FAM83F: variants seen among roughly 807,000 people sequenced by gnomAD.
The protein encoded by FAM83F is protein FAM83F.
Under a neutral mutation model 42.9 loss-of-function variants are expected in FAM83F, and 45 were observed. That is an observed-to-expected ratio of 1.05 (90% CI 0.83 to 1.35). The LOEUF (loss-of-function observed/expected upper bound fraction) is 1.35, where lower values mean the gene tolerates loss of function less well. Ranked by LOEUF, FAM83F falls within the 40% of genes most tolerant of loss-of-function variation. FAM83F has a pLI of 0.00. For synonymous variants in FAM83F, 306 were observed against 298.3 expected (o/e 1.03, Z -0.27); for missense variants, 617 against 695.9 (o/e 0.89, Z 1.28).
chr22:40,010,563 A>C (rs1213947588), intron 1 of FAM83F, among the ~76,000 whole-genome samples: 1 of 152,200 alleles, frequency 6.6e-6, no homozygotes, highest in Non-Finnish European at 1.5e-5. Flanking sequence ...CTCTCCTGAC[A>C]TCCTTAGGCA....
rs758036575 is a variant in FAM83F, at chr22:39,995,017, A to AGGGCCGGGGCCG, written c.-15_-4dup. The AGGGCCGGGGCCG allele has an allele frequency of 1.0e-3, 1,250 of 1,249,140 alleles. 8 individuals carry two copies. The African/African-American group carries it at 0.016, about 16-fold the overall frequency. The allele number at this position is 1,249,140 out of a possible 1,614,324, so 77.4% of individuals were successfully genotyped here. ...CTCGGACCGCGGCGGGGCCGGGGCC[A>AGGGCCGGGGCCG]GGGCCGGGGCCGGGGCCGGGGCGCC... On this transcript the variant is annotated 5_prime_UTR_variant, in exon 1 of 5. Transcript: ENST00000333407. The surrounding 1 kb of genome is among the most constrained non-coding windows in gnomAD (Gnocchi z 4.6).
rs533403612 is a variant in FAM83F, at chr22:40,008,276, G to A, written c.490-10892G>A. Reference sequence around the variant, plus strand: ...GGAGGCGCGGGCTGCCTGGCTCCTCGGGAGCTCAGCGGGCCCCCCATGGGC... The same window carrying A: ...GGAGGCGCGGGCTGCCTGGCTCCTCAGGAGCTCAGCGGGCCCCCCATGGGC... On this transcript the variant is annotated intron_variant, in intron 1 of 4. Coordinates refer to ENST00000333407, the MANE Select transcript of FAM83F (RefSeq NM_138435.4). Among the ~76,000 whole-genome samples, 25 of 152,328 alleles carry A rather than the reference G, an allele frequency of 1.6e-4. 1 individual carries two copies. The Middle Eastern group carries it at 0.02, about 124-fold the overall frequency.
intron 2 of FAM83F, among the ~76,000 whole-genome samples, chr22:40,019,621 T>G (rs2067508894): frequency 6.6e-6 from 1 of 152,178 alleles, no homozygotes; most frequent in Non-Finnish European, 1.5e-5. Flanking sequence ...GATGTCAAAG[T>G]GAGGGCTGTT....
intron 1 of FAM83F, among the ~76,000 whole-genome samples, chr22:40,010,367 G>T (rs971280739): frequency 2.0e-5 from 3 of 152,196 alleles, no homozygotes; most frequent in African/African-American, 7.2e-5. Context: ...TCAAAGCAGG[G>T]CCCTCAGAGA....
In FAM83F at chr22:40,032,395, A is replaced by G. The variant is rs2067593695; in HGVS notation, c.*2830A>G. The G allele has an allele frequency of 6.6e-6, 1 of 152,134 alleles. No homozygotes were observed. The highest frequency in any genetic ancestry group is 2.4e-5 in the African/African-American group (1 of 41,426). The allele number at this position is 152,134 out of a possible 1,614,324, so 9.4% of individuals were successfully genotyped here. ...ATTTGGCAAAACTTCCCATCTCCTT[A>G]GCTACCTGTCCTTAATCTTATCCCT... On this transcript the variant is annotated 3_prime_UTR_variant, in exon 5 of 5. Coordinates refer to ENST00000333407, the MANE Select transcript of FAM83F (RefSeq NM_138435.4).
intron 1 of FAM83F, among the ~76,000 whole-genome samples, chr22:40,010,551 GCCTCT>G (rs1446530747): frequency 1.3e-5 from 2 of 152,204 alleles, no homozygotes; most frequent in Non-Finnish European, 2.9e-5. Context: ...GGGGACTGCT[GCCTCT>G]CCTGACATCC....
Position 40,032,013 on chromosome 22 carries a change from A to G in FAM83F, c.*2448A>G, listed in dbSNP as rs1013922001. The G allele has an allele frequency of 6.6e-6, 1 of 152,294 alleles. No homozygotes were observed. The highest frequency in any genetic ancestry group is 1.5e-5 in the Non-Finnish European group (1 of 68,096). The allele number at this position is 152,294 out of a possible 1,614,324, so 9.4% of individuals were successfully genotyped here. A position where few individuals can be genotyped will look rare whatever the true frequency, so the allele number is the denominator to read the frequency against. The stretch of plus-strand genomic sequence containing the variant: ...CTCTTACTCATCAAATCTCAAGGGT[A>G]CATCTGGCCCTCCCAGTTGGATGGC... On this transcript the variant is annotated 3_prime_UTR_variant, in exon 5 of 5. Coordinates refer to ENST00000333407, the MANE Select transcript of FAM83F (RefSeq NM_138435.4).
rs1416350199 is a variant in FAM83F at position 40,031,566 on chromosome 22, A to C, written c.*2001A>C. Reference sequence around the variant, plus strand: ...GGGAGGATCCCTGATTGGAATCTCCAAGTCACCACAGCCTTGAGCCAGGCC... The same window carrying C: ...GGGAGGATCCCTGATTGGAATCTCCCAGTCACCACAGCCTTGAGCCAGGCC... On this transcript the variant is annotated 3_prime_UTR_variant, in exon 5 of 5. Coordinates refer to ENST00000333407, the MANE Select transcript of FAM83F (RefSeq NM_138435.4). 20 of 152,292 alleles carry C rather than the reference A, an allele frequency of 1.3e-4. 1 individual carries two copies. 9.4% of individuals were successfully genotyped at this position (152,292 alleles called of 1,614,324 possible).
In FAM83F at chr22:40,034,456, C is replaced by G. The variant is rs1337943088; in HGVS notation, c.*4891C>G. The G allele has an allele frequency of 6.6e-6, 1 of 152,274 alleles. No homozygotes were observed. 9.4% of individuals were successfully genotyped at this position (152,274 alleles called of 1,614,324 possible). A position where few individuals can be genotyped will look rare whatever the true frequency, so the allele number is the denominator to read the frequency against. ...AGCCCAGAGACCTTGCACAGTTAGG[C>G]AGGCCTGGACTTCTCGCCCTTCCCC... On this transcript the variant is annotated 3_prime_UTR_variant, in exon 5 of 5. Transcript: ENST00000333407.
chr22:40,031,242 A>T lies in FAM83F; in HGVS notation c.*1677A>T, dbSNP rs2067585162. The T allele has an allele frequency of 6.9e-6, 1 of 144,770 alleles. No individual in the cohort carries two copies. Among genetic ancestry groups the T allele is most frequent in the African/African-American group, 2.5e-5 (1 of 39,554 alleles). The allele number at this position is 144,770 out of a possible 1,614,324, so 9.0% of individuals were successfully genotyped here. A position where few individuals can be genotyped will look rare whatever the true frequency, so the allele number is the denominator to read the frequency against. ...CATGAGCTCATTCTGGAGGGGAGGG[A>T]AGGGAGAGAGGGGGGAGGTGGGATG... On this transcript the variant is annotated 3_prime_UTR_variant, in exon 5 of 5. Coordinates refer to ENST00000333407, the MANE Select transcript of FAM83F (RefSeq NM_138435.4).
intron 1 of FAM83F, among the ~76,000 whole-genome samples, chr22:40,017,355 C>T (rs560278409): frequency 2.6e-5 from 4 of 151,918 alleles, no homozygotes; most frequent in Non-Finnish European, 5.9e-5. Context: ...GCCTCAGCCT[C>T]CCCAGGAGCT....
At position 40,039,578 on chromosome 22, in the gene FAM83F, G is replaced by A. The variant is rs2067642577; in HGVS notation, c.*10013G>A. 1 of 152,236 alleles carries A rather than the reference G, an allele frequency of 6.6e-6. No individual in the cohort carries two copies. The highest frequency in any genetic ancestry group is 2.4e-5 in the African/African-American group (1 of 41,452). The allele number at this position is 152,236 out of a possible 1,614,324, so 9.4% of individuals were successfully genotyped here. On this transcript the variant is annotated 3_prime_UTR_variant, in exon 5 of 5. Transcript: ENST00000333407. ...GCAGAATGAAGGGTGGAGATGGAGAGATAGAATTCTCATCTTAGAGGTGAA... is the reference window on the plus strand; with the variant it reads ...GCAGAATGAAGGGTGGAGATGGAGAAATAGAATTCTCATCTTAGAGGTGAA...
intron 4 of FAM83F, among the ~76,000 whole-genome samples, chr22:40,025,338 G>T (rs1050038957): frequency 8.5e-5 from 13 of 152,202 alleles, no homozygotes; most frequent in African/African-American, 3.1e-4. Flanking sequence ...AGGATCACTT[G>T]AGCCTGGGAA....
In FAM83F at chr22:40,039,602, A is replaced by C. The variant is rs1459337646; in HGVS notation, c.*10037A>C. The C allele has an allele frequency of 2.0e-5, 3 of 152,238 alleles. No individual in the cohort carries two copies. The highest frequency in any genetic ancestry group is 7.2e-5 in the African/African-American group (3 of 41,464). 9.4% of individuals were successfully genotyped at this position (152,238 alleles called of 1,614,324 possible). A position where few individuals can be genotyped will look rare whatever the true frequency, so the allele number is the denominator to read the frequency against. On this transcript the variant is annotated 3_prime_UTR_variant, in exon 5 of 5. Transcript: ENST00000333407. ...AGATAGAATTCTCATCTTAGAGGTG[A>C]AAGTAGGATAATGACCCAGCTGAGC...
In FAM83F at chr22:40,021,792, G is replaced by C. The variant is rs372985910; in HGVS notation, c.1282G>C (p.Ala428Pro). Residue 428 changes from alanine (A) to proline (P), a missense_variant, in exon 4 of 5, where the codon GCC becomes CCC. By Grantham distance (27) the Ala-to-Pro change is conservative. Coordinates refer to ENST00000333407, the MANE Select transcript of FAM83F (RefSeq NM_138435.4). The surrounding 1 kb of genome is among the most constrained non-coding windows in gnomAD (Gnocchi z 8.7). ...APSRNGMGEA[A>P]RGEAAPARRF... ...CAGCCGAAACGGCATGGGAGAAGCG[G>C]CCCGGGGGGAGGCCGCCCCCGCCAG... 11 of 1,612,526 alleles carry C rather than the reference G, an allele frequency of 6.8e-6. No individual in the cohort carries two copies. Among genetic ancestry groups the C allele is most frequent in the African/African-American group, 1.3e-5 (1 of 74,908 alleles).
chr22:40,021,599 C>T lies in FAM83F; in HGVS notation c.1089C>T (p.Ser363=), dbSNP rs145137330. The T allele has an allele frequency of 3.9e-4, 615 of 1,578,600 alleles. 7 individuals are homozygous for T. In the South Asian group the frequency reaches 5.5e-3, roughly 14 times the overall value. The change falls in exon 4 of 5, where the codon AGC becomes AGT. Residue 363 remains serine (S), a synonymous_variant. Transcript: ENST00000333407. This position sits in a 1 kb window ranked among gnomAD's most constrained non-coding sequence, Gnocchi z 8.7. ...GNPEGQEEGA[S]GGESAWRLES... ...CGGAGGGGCAGGAGGAGGGCGCCAGCGGTGGCGAGTCGGCCTGGCGCCTGG... is the reference window on the plus strand; with the variant it reads ...CGGAGGGGCAGGAGGAGGGCGCCAGTGGTGGCGAGTCGGCCTGGCGCCTGG...
In FAM83F at chr22:40,031,734, G is replaced by A. The variant is rs1028901684; in HGVS notation, c.*2169G>A. 1 of 152,174 alleles carries A rather than the reference G, an allele frequency of 6.6e-6. No homozygotes were observed. The highest frequency in any genetic ancestry group is 6.5e-5 in the Admixed American group (1 of 15,282). 9.4% of individuals were successfully genotyped at this position (152,174 alleles called of 1,614,324 possible). On this transcript the variant is annotated 3_prime_UTR_variant, in exon 5 of 5. Transcript: ENST00000333407. The stretch of plus-strand genomic sequence containing the variant: ...CCACAAGGCAGGAGTGCCCAGGCAG[G>A]GTGCCTCTCCCTGCTGGCCTGTGTC...
At chr22:40,024,512 C>G (rs2067540009) in intron 4 of FAM83F, among the ~76,000 whole-genome samples, 1 of 152,206 alleles carries the variant, frequency 6.6e-6, no homozygotes. Flanking sequence ...GGGAAAGTGT[C>G]CCCTTCCCCT....
intron 1 of FAM83F, among the ~76,000 whole-genome samples, chr22:40,009,486 G>T (rs536262065): frequency 1.3e-5 from 2 of 152,232 alleles, no homozygotes; most frequent in Non-Finnish European, 2.9e-5. Context: ...GAGTAGGAGA[G>T]AGCAGTTAGG....
Sources: gnomAD v4.1 joint callset for allele counts (sites outside exome capture counted in the v4.1 genomes callset) on GRCh38, gnomAD v4.1.1 for gene constraint, Gnocchi (gnomAD v3.1) non-coding constraint, MANE v1.5 for transcripts, NCBI Gene and HGNC (gene_info 2026-07-23, HGNC 2026-07-21) for gene names.